The following P3H2 variants were observed in gnomAD, a reference collection of about 807,000 sequenced individuals.
The protein encoded by P3H2 is prolyl 3-hydroxylase 2.
A neutral mutation model predicts 87.0 loss-of-function variants in P3H2; 80 were observed. That is an observed-to-expected ratio of 0.92 (90% confidence interval 0.77 to 1.11). The LOEUF (loss-of-function observed/expected upper bound fraction) is 1.11. P3H2 is among the 50% of genes least tolerant of loss of function. P3H2 has a pLI of 0.00. For synonymous variants in P3H2, 367 were observed against 359.3 expected, an observed-to-expected ratio of 1.02 and a Z score of -0.24; for missense variants, 1,001 against 923.9, an observed-to-expected ratio of 1.08 and a Z score of -1.08.
At chr3:190,003,878 T>A (rs1305818203) in intron 1 of P3H2, among the ~76,000 whole-genome samples, 1 of 152,242 alleles carries the variant, frequency 6.6e-6, no homozygotes, top group Non-Finnish European at 1.5e-5. Flanking sequence ...AAGACCTTGC[T>A]GACATTTGTT....
chr3:189,987,498 A>AAG, intron 5 of P3H2, 29 bp downstream of exon 5: 6 of 1,576,312 alleles, frequency 3.8e-6, no homozygotes, highest in Non-Finnish European at 5.2e-6. Context: ...AAAAAAAAAA[A>AAG]GAATTTCTTT....
intron 13 of P3H2, among the ~76,000 whole-genome samples, chr3:189,967,650 GATTTA>G (rs2108905578): frequency 6.6e-6 from 1 of 151,958 alleles, no homozygotes; most frequent in South Asian, 2.1e-4. Context: ...CGTCAATCTT[GATTTA>G]ATTTATCAGA....
chr3:190,120,680 G>C lies in P3H2; in HGVS notation c.52C>G (p.Leu18Val). The C allele has an allele frequency of 6.6e-7, 1 of 1,522,554 alleles. No homozygotes were observed. The highest frequency in any genetic ancestry group is 8.8e-7 in the Non-Finnish European group (1 of 1,141,968). 94.3% of individuals were successfully genotyped at this position (1,522,554 alleles called of 1,614,324 possible). Residue 18 changes from leucine to valine, a missense_variant, in exon 1 of 15, where the codon CTG becomes GTG. Coordinates refer to ENST00000319332, the MANE Select transcript of P3H2 (RefSeq NM_018192.4). Reference protein sequence around the residue: ...PPLLLLLPLLLPPPLWGGPPD... With the variant: ...PPLLLLLPLLVPPPLWGGPPD... ...GGGCCGCCCCACAGTGGCGGCGGCA[G>C]TAGCAGCGGCAGCAGCAGCAGCAGC... is the stretch of plus-strand genomic sequence containing the variant.
intron 8 of P3H2, among the ~76,000 whole-genome samples, chr3:189,980,383 T>C (rs887468293): frequency 6.6e-6 from 1 of 151,954 alleles, no homozygotes; most frequent in African/African-American, 2.4e-5. Context: ...GCCAATATGG[T>C]GAAATCTCGT....
At chr3:189,969,693 G>A in intron 13 of P3H2, 1 of 1,332,060 alleles carries the variant, frequency 7.5e-7, no homozygotes, top group Non-Finnish European at 1.1e-6. Context: ...CTTGCAAGGA[G>A]GACACAATCA....
At chr3:189,973,510 T>G (rs1723245377) in intron 10 of P3H2, among the ~76,000 whole-genome samples, 1 of 27,992 alleles carries the variant, frequency 3.6e-5, no homozygotes, top group African/African-American at 8.8e-5. Context: ...TTTCTTTCTT[T>G]CTTTTTTTTT....
intron 1 of P3H2, among the ~76,000 whole-genome samples, chr3:190,068,525 T>A (rs1289075030): frequency 6.6e-6 from 1 of 152,172 alleles, no homozygotes; most frequent in Non-Finnish European, 1.5e-5. Flanking sequence ...ATTTGGTAAA[T>A]CAGGCTTACT....
At chr3:190,111,080 GA>G (rs111630822) in intron 1 of P3H2, among the ~76,000 whole-genome samples, 18,756 of 152,110 alleles carry the variant, frequency 0.12, 1,278 homozygotes, top group Middle Eastern at 0.21. Flanking sequence ...CCCTTCCAAA[GA>G]AGATCCTTTG....
intron 6 of P3H2, among the ~76,000 whole-genome samples, chr3:189,986,512 C>A (rs1723703934): frequency 6.6e-6 from 1 of 152,168 alleles, no homozygotes; most frequent in Non-Finnish European, 1.5e-5. Context: ...TTGCTTGAAT[C>A]CAGGAGGCGG....
At chr3:189,994,604 T>C (rs1209766805) in intron 2 of P3H2, among the ~76,000 whole-genome samples, 1 of 151,978 alleles carries the variant, frequency 6.6e-6, no homozygotes, top group African/African-American at 2.4e-5. Flanking sequence ...ATGTAACAAG[T>C]GCAGGACAAC....
intron 1 of P3H2, among the ~76,000 whole-genome samples, chr3:190,041,936 T>C (rs1725650105): frequency 6.6e-6 from 1 of 152,232 alleles, no homozygotes; most frequent in Non-Finnish European, 1.5e-5. Flanking sequence ...TTTTCTTACC[T>C]AGTTTGTTTT....
chr3:190,097,706 C>T (rs1002283322), intron 1 of P3H2, among the ~76,000 whole-genome samples: 3 of 151,568 alleles, frequency 2.0e-5, no homozygotes, highest in African/African-American at 4.8e-5. Context: ...CATAAGAATT[C>T]AAAACAAGAA....
intron 1 of P3H2, among the ~76,000 whole-genome samples, chr3:190,098,098 G>C (rs1187263466): frequency 6.6e-6 from 1 of 152,108 alleles, no homozygotes; most frequent in Non-Finnish European, 1.5e-5. Flanking sequence ...ACAATTTTAG[G>C]TGATGCAAAT....
intron 1 of P3H2, among the ~76,000 whole-genome samples, chr3:190,091,566 A>G (rs953867800): frequency 5.9e-5 from 9 of 152,246 alleles, no homozygotes; most frequent in African/African-American, 1.9e-4. Context: ...ATATTGTACT[A>G]GAAAGTTTTC....
At chr3:189,996,497 T>A (rs1577262195) in intron 1 of P3H2, among the ~76,000 whole-genome samples, 1 of 152,202 alleles carries the variant, frequency 6.6e-6, no homozygotes, top group East Asian at 1.9e-4. Flanking sequence ...GGTCAAAGAG[T>A]ACAAAGTTAT....
In P3H2 at chr3:190,020,665, G is replaced by C. The variant is rs1461304826; in HGVS notation, c.481-25223C>G. 1.5e-5 allele frequency among the ~76,000 whole-genome samples: 2 copies of C among 133,412 alleles called. 1 individual carries two copies. The highest frequency in any genetic ancestry group is 3.3e-5 in the Non-Finnish European group (2 of 59,974). 87.5% of individuals were successfully genotyped at this position (133,412 alleles called of 152,430 possible). A position where few individuals can be genotyped will look rare whatever the true frequency, so the allele number is the denominator to read the frequency against. On this transcript the variant is annotated intron_variant, in intron 1 of 14. Coordinates refer to ENST00000319332, the MANE Select transcript of P3H2 (RefSeq NM_018192.4). ...TTAAATAGGGTCACAGTTTAGCGTG[G>C]GTCTCTAGGGTGAAGCCCATCCAGG...
chr3:190,050,666 T>C (rs868250274), intron 1 of P3H2, among the ~76,000 whole-genome samples: 11 of 152,286 alleles, frequency 7.2e-5, no homozygotes, highest in South Asian at 2.1e-4. Flanking sequence ...TTGAGGAATA[T>C]TAGGAAAACA....
intron 1 of P3H2, among the ~76,000 whole-genome samples, chr3:189,999,115 G>GA (rs774502016): frequency 6.6e-6 from 1 of 152,154 alleles, no homozygotes; most frequent in Non-Finnish European, 1.5e-5. Flanking sequence ...AAACTTCTCT[G>GA]AAATCATCAT....
At position 189,974,646 on chromosome 3, in the gene P3H2, T is replaced by C. The variant is rs1017896025; in HGVS notation, c.1364A>G (p.Asn455Ser). The change falls in exon 9 of 15, where the codon AAC becomes AGC. Residue 455 changes from asparagine to serine, a missense_variant. Physicochemically the swap from Asn to Ser is conservative, Grantham distance 46 (BLOSUM62 1). Coordinates refer to ENST00000319332, the MANE Select transcript of P3H2 (RefSeq NM_018192.4). ...LLYENITFVY[N>S]SEQLNGTQRV... is the part of the protein sequence containing the mutation. ...CTGAGTCCCGTTCAGCTGCTCCGAG[T>C]TGTAGACGAATGTGATGTTCTCATA... is the stretch of plus-strand genomic sequence containing the variant. The C allele has an allele frequency of 6.2e-7, 1 of 1,614,196 alleles. No individual in the cohort carries two copies. The highest frequency in any genetic ancestry group is 8.5e-7 in the Non-Finnish European group (1 of 1,180,028).
Sources: gnomAD v4.1 joint callset for allele counts (sites outside exome capture counted in the v4.1 genomes callset) on GRCh38, gnomAD v4.1.1 for gene constraint, MANE v1.5 for transcripts, NCBI Gene and HGNC (gene_info 2026-07-23, HGNC 2026-07-21) for gene names.